SMIM35: variants seen among roughly 807,000 people sequenced by gnomAD.
SMIM35 encodes the protein TMPRSS4 antisense RNA 1 (non-protein coding).
chr11:118,026,177 C>G (rs1024608946), intron 1 of SMIM35, among the ~76,000 whole-genome samples: 1 of 152,186 alleles, frequency 6.6e-6, no homozygotes, highest in Non-Finnish European at 1.5e-5. Flanking sequence ...CAGTACCATG[C>G]TGTTTTGGTT....
At chr11:118,031,525 AG>A (rs2058319434) in intron 1 of SMIM35, among the ~76,000 whole-genome samples, 1 of 152,206 alleles carries the variant, frequency 6.6e-6, no homozygotes, top group Admixed American at 6.5e-5. Flanking sequence ...TAAGTTTTCA[AG>A]GGAAGGCGAG....
chr11:118,013,679 T>A (rs151322805), intron 4 of SMIM35, 69 bp downstream of exon 4: 200 of 396,596 alleles, frequency 5.0e-4, no homozygotes, highest in African/African-American at 4.0e-3. Flanking sequence ...GAGGCTTGGG[T>A]GACTGGACCC....
chr11:118,016,040 C>T (rs1232431438), intron 1 of SMIM35, among the ~76,000 whole-genome samples: 3 of 152,184 alleles, frequency 2.0e-5, no homozygotes, highest in African/African-American at 7.2e-5. Flanking sequence ...AAGGAATAGT[C>T]CTCTGATAGT....
intron 1 of SMIM35, among the ~76,000 whole-genome samples, chr11:118,069,561 G>C (rs1240844482): frequency 6.6e-6 from 1 of 152,152 alleles, no homozygotes; most frequent in African/African-American, 2.4e-5. Flanking sequence ...GCTCAGTACA[G>C]GGGCTTCATA....
At position 118,028,852 on chromosome 11, in the gene SMIM35, G is replaced by A. The variant is rs750786493; in HGVS notation, c.8-13043C>T. 31 of 451,610 alleles carry A rather than the reference G, an allele frequency of 6.9e-5. 2 individuals carry two copies. Among genetic ancestry groups the A allele is most frequent in the South Asian group, 4.6e-4 (29 of 63,496 alleles). The allele number at this position is 451,610 out of a possible 1,614,324, so 28.0% of individuals were successfully genotyped here. ...AAGGGGAAAAGGAGAAGAAAAAGGA[G>A]GAGGAAGAAGAAGAAAAAAGTTGGG... is the stretch of plus-strand genomic sequence containing the variant. On this transcript the variant is annotated intron_variant, in intron 1 of 4. Coordinates refer to ENST00000689828, the MANE Select transcript of SMIM35 (RefSeq NM_001394165.1).
chr11:118,018,018 C>G (rs1565380832), intron 1 of SMIM35, among the ~76,000 whole-genome samples: 1 of 152,154 alleles, frequency 6.6e-6, no homozygotes, highest in Non-Finnish European at 1.5e-5. Context: ...GGTGAAGACA[C>G]AGCCAAACCA....
At chr11:118,064,177 G>C (rs1331238229) in intron 1 of SMIM35, among the ~76,000 whole-genome samples, 1 of 152,220 alleles carries the variant, frequency 6.6e-6, no homozygotes, top group East Asian at 1.9e-4. Flanking sequence ...GAACCCCCAG[G>C]CATTTGGTCA....
At chr11:118,062,557 G>C (rs1283723720) in intron 1 of SMIM35, among the ~76,000 whole-genome samples, 2 of 152,182 alleles carry the variant, frequency 1.3e-5, no homozygotes, top group African/African-American at 4.8e-5. Context: ...TTGGGCTCTG[G>C]CTTCTTCCAT....
intron 1 of SMIM35, among the ~76,000 whole-genome samples, chr11:118,044,487 GC>G (rs1222868179): frequency 2.0e-5 from 3 of 151,970 alleles, no homozygotes; most frequent in South Asian, 4.2e-4. Context: ...CTCTCCAGAT[GC>G]CCCTCCAACT....
chr11:118,039,497 C>T (rs1373544033), intron 1 of SMIM35, among the ~76,000 whole-genome samples: 2 of 151,860 alleles, frequency 1.3e-5, no homozygotes, highest in Non-Finnish European at 2.9e-5. Flanking sequence ...ATCATTTGAG[C>T]CCAGGAGTTC....
At chr11:118,035,740 A>G (rs2058354658) in intron 1 of SMIM35, among the ~76,000 whole-genome samples, 1 of 152,204 alleles carries the variant, frequency 6.6e-6, no homozygotes, top group African/African-American at 2.4e-5. Context: ...TGACTGAAAC[A>G]AAGCATTCTC....
At chr11:118,029,499 C>A (rs1305074304) in intron 1 of SMIM35, among the ~76,000 whole-genome samples, 31 of 152,176 alleles carry the variant, frequency 2.0e-4, no homozygotes, top group Admixed American at 2.0e-3. Flanking sequence ...GCAAAAGTTT[C>A]TTCTTGCCAG....
chr11:118,072,050 T>C (rs1391567638), intron 1 of SMIM35, among the ~76,000 whole-genome samples: 2 of 152,198 alleles, frequency 1.3e-5, no homozygotes, highest in African/African-American at 4.8e-5. Flanking sequence ...TATTTTATTT[T>C]TCCCAACCAC....
At chr11:118,041,480 T>C (rs761396431) in intron 1 of SMIM35, among the ~76,000 whole-genome samples, 4 of 152,024 alleles carry the variant, frequency 2.6e-5, no homozygotes, top group African/African-American at 4.8e-5. Context: ...GAAATAAAAT[T>C]AGAAATCAAT....
intron 1 of SMIM35, chr11:118,067,414 G>A (rs1165833405): frequency 1.3e-5 from 2 of 152,246 alleles, no homozygotes; most frequent in Non-Finnish European, 2.9e-5. Context: ...GGTTGCCTAA[G>A]GTAGGGTGAA....
chr11:118,035,485 C>A (rs1591289199), intron 1 of SMIM35, among the ~76,000 whole-genome samples: 2 of 152,164 alleles, frequency 1.3e-5, no homozygotes, highest in African/African-American at 4.8e-5. Flanking sequence ...CAGATCAGCA[C>A]CCTAATAATC....
chr11:118,015,323 A>T (rs2058173845), intron 2 of SMIM35, among the ~76,000 whole-genome samples: 1 of 152,182 alleles, frequency 6.6e-6, no homozygotes, highest in Non-Finnish European at 1.5e-5. Context: ...AGAGGGCCCT[A>T]AGACCCACAG....
At chr11:118,085,598 C>T (rs577667539) in intron 1 of SMIM35, among the ~76,000 whole-genome samples, 8 of 152,260 alleles carry the variant, frequency 5.3e-5, no homozygotes, top group Non-Finnish European at 7.4e-5. Context: ...TTTAAATTAA[C>T]GTCAGACTGC....
chr11:118,017,891 TACTA>T (rs966970961), intron 1 of SMIM35, among the ~76,000 whole-genome samples: 3 of 152,058 alleles, frequency 2.0e-5, no homozygotes, highest in African/African-American at 4.8e-5. Flanking sequence ...CATGAGAACT[TACTA>T]ACTATCAGGA....
Sources: allele counts gnomAD v4.1 joint callset (sites outside exome capture counted in the v4.1 genomes callset), GRCh38; gene constraint gnomAD v4.1.1; transcripts MANE v1.5; gene names NCBI Gene and HGNC (gene_info 2026-07-23, HGNC 2026-07-21).